Variants in CTNNA3 observed in about 807,000 individuals in gnomAD.
CTNNA3 encodes the protein catenin alpha 3.
In CTNNA3, 76 loss-of-function variants were observed where a neutral mutation model predicts 95.7. The observed-to-expected ratio is 0.79, with a 90% CI of 0.66 to 0.96. The LOEUF (loss-of-function observed/expected upper bound fraction) is 0.96. Among genes scored for constraint, CTNNA3 ranks in the 40% least tolerant of loss-of-function variants. CTNNA3 has a pLI of 0.00. For synonymous variants in CTNNA3, 431 were observed against 374.4 expected, an observed-to-expected ratio of 1.15 and a Z score of -1.74; for missense variants, 1,191 against 1,089.8, an observed-to-expected ratio of 1.09 and a Z score of -1.31.
chr10:66,807,633 A>G (rs1841706927), intron 7 of CTNNA3, among the ~76,000 whole-genome samples: 1 of 152,122 alleles, frequency 6.6e-6, no homozygotes, highest in Admixed American at 6.6e-5. Context: ...GTCTAACTAA[A>G]TTGAGTAATT....
intron 5 of CTNNA3, among the ~76,000 whole-genome samples, chr10:67,299,310 G>A (rs1009881561): frequency 5.3e-5 from 8 of 151,862 alleles, no homozygotes; most frequent in African/African-American, 9.7e-5. Context: ...AGAAACCAAC[G>A]TGTTGATTCC....
At chr10:66,308,248 A>G (rs1203372341) in intron 12 of CTNNA3, among the ~76,000 whole-genome samples, 1 of 152,206 alleles carries the variant, frequency 6.6e-6, no homozygotes, top group Non-Finnish European at 1.5e-5. Context: ...GGTATTGTTC[A>G]TAAATTAATA....
chr10:66,532,095 AT>A (rs1841485497), intron 10 of CTNNA3, among the ~76,000 whole-genome samples: 1 of 152,166 alleles, frequency 6.6e-6, no homozygotes, highest in Non-Finnish European at 1.5e-5. Context: ...TCATATAGAC[AT>A]AAAGTCAAAA....
chr10:67,501,457 C>T (rs867737998), intron 5 of CTNNA3, among the ~76,000 whole-genome samples: 1 of 152,080 alleles, frequency 6.6e-6, no homozygotes, highest in Non-Finnish European at 1.5e-5. Flanking sequence ...TTGCTTTTCT[C>T]GAGAAGTATC....
intron 2 of CTNNA3, among the ~76,000 whole-genome samples, chr10:67,625,510 T>C (rs1280994992): frequency 6.6e-6 from 1 of 152,180 alleles, no homozygotes; most frequent in Non-Finnish European, 1.5e-5. Flanking sequence ...TGAGACTCCA[T>C]GAAAATGGCT....
Position 66,998,030 on chromosome 10 carries a change from T to A in CTNNA3, c.1047+182287A>T, listed in dbSNP as rs182691162. 3.3e-4 allele frequency among the ~76,000 whole-genome samples: 51 copies of A among 152,326 alleles called. 1 individual carries two copies. The East Asian group carries it at 5.8e-3, about 17-fold the overall frequency. On this transcript the variant is annotated intron_variant, in intron 7 of 17. Coordinates refer to ENST00000433211, the MANE Select transcript of CTNNA3 (RefSeq NM_013266.4). ...TGGCCTCCCTGCCCACCAGGCTCAG[T>A]TTCATCCCCTCATTTCTCCCCCATT... is the stretch of plus-strand genomic sequence containing the variant.
chr10:66,886,562 T>A (rs538136947), intron 7 of CTNNA3, among the ~76,000 whole-genome samples: 6 of 152,264 alleles, frequency 3.9e-5, no homozygotes, highest in Non-Finnish European at 7.4e-5. Flanking sequence ...TGCTCATAGA[T>A]TTTCCATCGA....
intron 5 of CTNNA3, among the ~76,000 whole-genome samples, chr10:67,289,194 G>A (rs117733063): frequency 6.6e-6 from 1 of 152,024 alleles, no homozygotes; most frequent in East Asian, 1.9e-4. Context: ...CATGCCTTCT[G>A]GGTATTCAAC....
Position 66,684,631 on chromosome 10 carries a change from T to C in CTNNA3, c.1282-62847A>G, listed in dbSNP as rs111380966. 5.0e-3 allele frequency among the ~76,000 whole-genome samples: 758 copies of C among 152,294 alleles called. 3 individuals are homozygous for C. The highest frequency in any genetic ancestry group is 0.017 in the African/African-American group (716 of 41,560). ...AAAACAAGCTGTCTCCTTAAACTTC[T>C]CAGGAGAAGTGATAAAACTCTGTGA... On this transcript the variant is annotated intron_variant, in intron 9 of 17. Coordinates refer to ENST00000433211, the MANE Select transcript of CTNNA3 (RefSeq NM_013266.4).
intron 1 of CTNNA3, among the ~76,000 whole-genome samples, chr10:67,703,970 T>A (rs1841061237): frequency 6.6e-6 from 1 of 152,186 alleles, no homozygotes; most frequent in Admixed American, 6.5e-5. Context: ...CAAGCATTCT[T>A]ATACACCAAT....
intron 7 of CTNNA3, among the ~76,000 whole-genome samples, chr10:67,154,204 G>A (rs1861200682): frequency 6.6e-6 from 1 of 152,100 alleles, no homozygotes; most frequent in Non-Finnish European, 1.5e-5. Context: ...TAAAATGTTA[G>A]CATGTAATTT....
intron 9 of CTNNA3, among the ~76,000 whole-genome samples, chr10:66,627,693 A>G (rs1404303096): frequency 2.0e-5 from 3 of 152,102 alleles, no homozygotes; most frequent in African/African-American, 4.8e-5. Flanking sequence ...GTCAGCCTGC[A>G]TGTCCTAGTG....
chr10:66,131,594 C>T (rs777271378), intron 13 of CTNNA3, among the ~76,000 whole-genome samples: 1 of 151,990 alleles, frequency 6.6e-6, no homozygotes, highest in African/African-American at 2.4e-5. Context: ...ATAGCCAAGG[C>T]AATTATAAAC....
intron 1 of CTNNA3, among the ~76,000 whole-genome samples, chr10:67,669,516 T>C (rs1840392977): frequency 6.6e-6 from 1 of 152,148 alleles, no homozygotes; most frequent in Non-Finnish European, 1.5e-5. Flanking sequence ...TGGGTTCAAA[T>C]TCAAACTCAC....
At chr10:67,164,953 C>A (rs1861696495) in intron 7 of CTNNA3, among the ~76,000 whole-genome samples, 1 of 152,166 alleles carries the variant, frequency 6.6e-6, no homozygotes. Flanking sequence ...AATAGTTTGG[C>A]AGTTTCCTAA....
chr10:65,916,693 A>C lies in CTNNA3; in HGVS notation c.*3637T>G, dbSNP rs769042360. On this transcript the variant is annotated 3_prime_UTR_variant, in exon 18 of 18. Transcript: ENST00000433211. ...TATACCTGGGATAGAGATGAGAGACAGGAGAGAGATATTTTTGGTTCACAG... is the reference window on the plus strand; with the variant it reads ...TATACCTGGGATAGAGATGAGAGACCGGAGAGAGATATTTTTGGTTCACAG... 5 of 152,226 alleles carry C rather than the reference A, an allele frequency of 3.3e-5. No individual in the cohort carries two copies. The highest frequency in any genetic ancestry group is 7.3e-5 in the Non-Finnish European group (5 of 68,032). The allele number at this position is 152,226 out of a possible 1,614,324, so 9.4% of individuals were successfully genotyped here. A position where few individuals can be genotyped will look rare whatever the true frequency, so the allele number is the denominator to read the frequency against.
intron 13 of CTNNA3, among the ~76,000 whole-genome samples, chr10:66,185,579 A>G (rs1475473752): frequency 6.6e-6 from 1 of 152,102 alleles, no homozygotes; most frequent in Non-Finnish European, 1.5e-5. Context: ...TATTTTATTC[A>G]CAGAGAAGCT....
At chr10:67,235,373 A>C (rs1274724088) in intron 5 of CTNNA3, among the ~76,000 whole-genome samples, 1 of 152,220 alleles carries the variant, frequency 6.6e-6, no homozygotes, top group Admixed American at 6.5e-5. Flanking sequence ...ATCTACAACT[A>C]TCTGATCTTT....
At chr10:66,181,607 TA>T (rs1326703415) in intron 13 of CTNNA3, among the ~76,000 whole-genome samples, 6 of 152,152 alleles carry the variant, frequency 3.9e-5, no homozygotes, top group African/African-American at 1.4e-4. Context: ...CCATTATTAT[TA>T]AAAAGCTCAT....
Sources: gnomAD v4.1 joint callset for allele counts (sites outside exome capture counted in the v4.1 genomes callset) on GRCh38, gnomAD v4.1.1 for gene constraint, MANE v1.5 for transcripts, NCBI Gene and HGNC (gene_info 2026-07-23, HGNC 2026-07-21) for gene names.